The following DLGAP4 variants were observed in gnomAD, a reference collection of about 807,000 sequenced individuals.
The protein encoded by DLGAP4 is DLG associated protein 4.
DLGAP4 carries 18 observed loss-of-function variants against 86.9 expected under a neutral mutation model. The observed-to-expected ratio is 0.21, with a 90% CI of 0.14 to 0.31. The LOEUF is 0.31. Ranked by LOEUF, DLGAP4 falls within the 10% of genes least tolerant of loss-of-function variation. DLGAP4 has a pLI of 1.00. For missense variants in DLGAP4, 1,085 were observed against 1,362.6 expected, an observed-to-expected ratio of 0.80 and a Z score of 3.21; for synonymous variants, 548 against 574.3, an observed-to-expected ratio of 0.95 and a Z score of 0.65.
chr20:36,369,208 C>T (rs1485941706), intron 2 of DLGAP4, among the ~76,000 whole-genome samples: 1 of 152,184 alleles, frequency 6.6e-6, no homozygotes, highest in East Asian at 1.9e-4. Flanking sequence ...GCAGAGGCAG[C>T]CAGGAGTGCT....
At chr20:36,340,155 G>A (rs575207231) in intron 1 of DLGAP4, among the ~76,000 whole-genome samples, 1 of 152,236 alleles carries the variant, frequency 6.6e-6, no homozygotes, top group African/African-American at 2.4e-5. Flanking sequence ...TCACCTCTGG[G>A]AACAGAGCCC....
At chr20:36,459,185 C>T (rs749642888) in intron 7 of DLGAP4, among the ~76,000 whole-genome samples, 1 of 152,138 alleles carries the variant, frequency 6.6e-6, no homozygotes, top group Non-Finnish European at 1.5e-5. Flanking sequence ...TCCAGCCAGA[C>T]TGGGGAGCTC....
At chr20:36,346,991 C>T (rs1321710241) in intron 1 of DLGAP4, among the ~76,000 whole-genome samples, 1 of 152,132 alleles carries the variant, frequency 6.6e-6, no homozygotes, top group Admixed American at 6.5e-5. Flanking sequence ...AGAACATTGA[C>T]AGGTCTGTCA....
intron 7 of DLGAP4, among the ~76,000 whole-genome samples, chr20:36,481,303 T>C (rs896208020): frequency 1.3e-5 from 2 of 150,304 alleles, no homozygotes; most frequent in Non-Finnish European, 3.0e-5. Flanking sequence ...TCCCCTCTGA[T>C]TGTAGTGTGA....
At chr20:36,488,730 A>G (rs2147736102) in intron 7 of DLGAP4, among the ~76,000 whole-genome samples, 1 of 152,022 alleles carries the variant, frequency 6.6e-6, no homozygotes, top group East Asian at 1.9e-4. Flanking sequence ...GGCATCCACC[A>G]CCACACCCAG....
intron 7 of DLGAP4, among the ~76,000 whole-genome samples, chr20:36,485,924 C>A (rs978924467): frequency 6.6e-6 from 1 of 152,194 alleles, no homozygotes; most frequent in Admixed American, 6.5e-5. Flanking sequence ...CTCATTCCCA[C>A]AGCTTCATTG....
intron 7 of DLGAP4, among the ~76,000 whole-genome samples, chr20:36,470,269 T>A (rs952049600): frequency 6.6e-6 from 1 of 152,152 alleles, no homozygotes; most frequent in African/African-American, 2.4e-5. Context: ...AAGTCAAGTT[T>A]TCCCACAGTC....
intron 7 of DLGAP4, among the ~76,000 whole-genome samples, chr20:36,476,703 T>TTG (rs36103578): frequency 2.7e-5 from 3 of 111,348 alleles, no homozygotes; most frequent in African/African-American, 8.3e-5. Flanking sequence ...TTTTTTTTTT[T>TTG]GGTTTTTTTT....
intron 11 of DLGAP4, among the ~76,000 whole-genome samples, chr20:36,524,677 T>C (rs975629058): frequency 6.7e-6 from 1 of 149,260 alleles, no homozygotes; most frequent in Non-Finnish European, 1.5e-5. Flanking sequence ...CTGAGGCGGG[T>C]GGATCACCTG....
At chr20:36,406,258 C>T (rs2032316532) in intron 2 of DLGAP4, among the ~76,000 whole-genome samples, 2 of 152,128 alleles carry the variant, frequency 1.3e-5, no homozygotes, top group Non-Finnish European at 2.9e-5. Context: ...ATTAGCCAGG[C>T]ATGGTGGCGG....
At position 36,323,913 on chromosome 20, in the gene DLGAP4, C is replaced by T. The variant is rs144075355; in HGVS notation, c.-304+17401C>T. Reference sequence around the variant, plus strand: ...TAAAGCTGGCTTGCCTGCTGCTCACCTCCTGCTCTGCAGCCCAGTTCCTAA... The same window carrying T: ...TAAAGCTGGCTTGCCTGCTGCTCACTTCCTGCTCTGCAGCCCAGTTCCTAA... On this transcript the variant is annotated intron_variant, in intron 1 of 12. Transcript: ENST00000339266. Among the ~76,000 whole-genome samples, 1,164 of 152,354 alleles carry T rather than the reference C, an allele frequency of 7.6e-3. 53 individuals carry two copies. Among genetic ancestry groups the T allele is most frequent in the Admixed American group, 0.066 (1,017 of 15,302 alleles).
intron 1 of DLGAP4, among the ~76,000 whole-genome samples, chr20:36,307,372 T>C (rs1441710189): frequency 3.9e-5 from 6 of 152,170 alleles, no homozygotes; most frequent in Non-Finnish European, 8.8e-5. Flanking sequence ...CCTTGGTCTC[T>C]TTTGGCCGAA....
chr20:36,450,504 A>T (rs530923813), intron 7 of DLGAP4, among the ~76,000 whole-genome samples: 1 of 151,964 alleles, frequency 6.6e-6, no homozygotes, highest in Non-Finnish European at 1.5e-5. Flanking sequence ...GTCTCAAAAA[A>T]AAAAGAATCA....
chr20:36,522,974 G>A (rs2037469530), intron 10 of DLGAP4, among the ~76,000 whole-genome samples: 1 of 152,150 alleles, frequency 6.6e-6, no homozygotes, highest in Non-Finnish European at 1.5e-5. Flanking sequence ...CTCCCAAGTA[G>A]CTGGGGCTAC....
At chr20:36,328,578 G>A (rs1232211514) in intron 1 of DLGAP4, among the ~76,000 whole-genome samples, 1 of 151,516 alleles carries the variant, frequency 6.6e-6, no homozygotes, top group Non-Finnish European at 1.5e-5. Context: ...CCCTGCTTTT[G>A]TAGGGCAGGT....
At chr20:36,382,690 C>T (rs973416288) in intron 2 of DLGAP4, among the ~76,000 whole-genome samples, 58 of 151,742 alleles carry the variant, frequency 3.8e-4, no homozygotes, top group African/African-American at 1.3e-3. Flanking sequence ...CCACCACACC[C>T]GGCTAATTTT....
Position 36,500,067 on chromosome 20 carries a change from A to G in DLGAP4, c.2100-132A>G. On this transcript the variant is annotated intron_variant, in intron 9 of 12. Coordinates refer to ENST00000339266, the MANE Select transcript of DLGAP4 (RefSeq NM_001365621.2). The surrounding 1 kb of genome is among the most constrained non-coding windows in gnomAD (Gnocchi z 4.6). ...AGATGGGGGCTGTGGGACCCGCTTCAGGCGCATGGTGAGCAGATGATGCAT... is the reference window on the plus strand; with the variant it reads ...AGATGGGGGCTGTGGGACCCGCTTCGGGCGCATGGTGAGCAGATGATGCAT... The G allele has an allele frequency of 1.8e-6, 2 of 1,096,848 alleles. No individual in the cohort carries two copies. Among genetic ancestry groups the G allele is most frequent in the Non-Finnish European group, 2.6e-6 (2 of 780,346 alleles). 67.9% of individuals were successfully genotyped at this position (1,096,848 alleles called of 1,614,324 possible).
intron 10 of DLGAP4, among the ~76,000 whole-genome samples, chr20:36,508,987 GA>G (rs1037316949): frequency 1.3e-5 from 2 of 152,228 alleles, no homozygotes; most frequent in Admixed American, 1.3e-4. Context: ...CTTGGTAAGT[GA>G]AAAATTAAAA....
intron 1 of DLGAP4, among the ~76,000 whole-genome samples, chr20:36,338,774 C>T (rs929847791): frequency 9.8e-5 from 15 of 152,338 alleles, no homozygotes; most frequent in Admixed American, 1.3e-4. Flanking sequence ...AAGGTCCCAA[C>T]GCAGTCGGGG....
Sources: gnomAD v4.1 joint callset for allele counts (sites outside exome capture counted in the v4.1 genomes callset) on GRCh38, gnomAD v4.1.1 for gene constraint, Gnocchi (gnomAD v3.1) non-coding constraint, MANE v1.5 for transcripts, NCBI Gene and HGNC (gene_info 2026-07-23, HGNC 2026-07-21) for gene names.